Variants in DPP3 observed in about 807,000 individuals in gnomAD.
DPP3 encodes the protein dipeptidyl peptidase 3, also known as DPP III.
DPP3 carries 64 observed loss-of-function variants against 89.8 expected under a neutral mutation model. The observed-to-expected ratio is 0.71, with a 90% CI of 0.58 to 0.88. DPP3 has a LOEUF of 0.88. Among genes scored for constraint, DPP3 ranks in the 40% least tolerant of loss-of-function variants. DPP3 has a pLI of 0.00. For missense variants in DPP3, 835 were observed against 972.5 expected, an observed-to-expected ratio of 0.86 and a Z score of 1.88; for synonymous variants, 377 against 404.3, an observed-to-expected ratio of 0.93 and a Z score of 0.81.
Position 66,491,559 on chromosome 11 carries a change from C to A in DPP3, c.864C>A (p.Gly288=), listed in dbSNP as rs781635422. 3.1e-6 allele frequency: 5 copies of A among 1,613,850 alleles called. No individual in the cohort carries two copies. In the South Asian group the frequency reaches 5.5e-5, roughly 18 times the overall value. Residue 288 remains glycine, a synonymous_variant, in exon 8 of 18, where the codon GGC becomes GGA. Transcript: ENST00000531863. ...LAQYIESFTQ[G]SIEAHKRGSR... Reference sequence around the variant, plus strand: ...AGTATATAGAGAGCTTCACCCAGGGCTCCATCGAGGCCCACAAGAGGGGCT... The same window carrying A: ...AGTATATAGAGAGCTTCACCCAGGGATCCATCGAGGCCCACAAGAGGGGCT...
At chr11:66,506,876 C>A (rs539212761) in intron 17 of DPP3, among the ~76,000 whole-genome samples, 2 of 152,080 alleles carry the variant, frequency 1.3e-5, no homozygotes, top group South Asian at 4.2e-4. Flanking sequence ...CTGCTTCGGT[C>A]CCTCTCTGTT....
intron 10 of DPP3, 46 bp from the exon 11 acceptor site, chr11:66,493,021 C>T: frequency 1.2e-6 from 2 of 1,611,950 alleles, no homozygotes; most frequent in Non-Finnish European, 1.7e-6. Flanking sequence ...TGTCTGTTAC[C>T]TTTGACCCTC....
chr11:66,491,694 CCA>C lies in DPP3; in HGVS notation c.930-3_930-2del. ...TCCTCCACCTCTGCCCTTCTCTCCC[CCA>C]GTTACATCGGGTTCATCGAGAGCTA... On this transcript the variant is annotated splice_acceptor_variant and splice_polypyrimidine_tract_variant and intron_variant, in intron 8 of 17. Coordinates refer to ENST00000531863, the MANE Select transcript of DPP3 (RefSeq NM_130443.4). LOFTEE classifies it high-confidence loss of function. 2 of 1,613,696 alleles carry C rather than the reference CCA, an allele frequency of 1.2e-6. No homozygotes were observed. Among genetic ancestry groups the C allele is most frequent in the South Asian group, 1.1e-5 (1 of 91,040 alleles).
intron 6 of DPP3, 81 bp downstream of exon 6, chr11:66,488,088 C>A: frequency 1.6e-6 from 2 of 1,218,496 alleles, no homozygotes; most frequent in Non-Finnish European, 2.3e-6. Context: ...CCAACTCTGC[C>A]ACTCCTTCAG....
rs760916792 is a variant in DPP3, at chr11:66,491,389, A to G, written c.798+6A>G. 3 of 1,613,276 alleles carry G rather than the reference A, an allele frequency of 1.9e-6. No homozygotes were observed. In the South Asian group the frequency reaches 3.3e-5, roughly 18 times the overall value. On this transcript the variant is annotated splice_donor_region_variant and intron_variant, in intron 7 of 17. Coordinates refer to ENST00000531863, the MANE Select transcript of DPP3 (RefSeq NM_130443.4). ...AGCAGCTGGAGAAAGCCAAGGTTGG[A>G]CTGGCTGGGGGCTGAGGGGTGCGGG...
chr11:66,507,849 G>C (rs1422532531), intron 17 of DPP3, among the ~76,000 whole-genome samples: 1 of 151,742 alleles, frequency 6.6e-6, no homozygotes, highest in African/African-American at 2.4e-5. Flanking sequence ...AGCTAATTTT[G>C]TATTTTTAGT....
chr11:66,481,635 G>A (rs1201950465), intron 1 of DPP3, among the ~76,000 whole-genome samples: 1 of 151,908 alleles, frequency 6.6e-6, no homozygotes, highest in Non-Finnish European at 1.5e-5. Flanking sequence ...GTAATACTAG[G>A]TAGTTAGAGT....
chr11:66,505,136 G>A (rs536445840), intron 17 of DPP3, among the ~76,000 whole-genome samples: 1 of 152,290 alleles, frequency 6.6e-6, no homozygotes, highest in South Asian at 2.1e-4. Flanking sequence ...TGAGGAGGGA[G>A]CTGGGATCCA....
intron 12 of DPP3, among the ~76,000 whole-genome samples, 160 bp from the exon 13 acceptor site, chr11:66,495,046 G>A (rs557695617): frequency 6.6e-6 from 1 of 152,356 alleles, no homozygotes; most frequent in Admixed American, 6.5e-5. Context: ...AGGGCTCAGG[G>A]CTGTGCAGGC....
chr11:66,480,463 C>A lies in DPP3; in HGVS notation c.-11C>A. On this transcript the variant is annotated splice_region_variant and 5_prime_UTR_variant, in exon 1 of 18. Coordinates refer to ENST00000531863, the MANE Select transcript of DPP3 (RefSeq NM_130443.4). Reference sequence around the variant, plus strand: ...GAGTTTGCGAACGGAGCAGCTGCTGCAGGTGAGGCGCGGCGCCTGGGCTTT... The same window carrying A: ...GAGTTTGCGAACGGAGCAGCTGCTGAAGGTGAGGCGCGGCGCCTGGGCTTT... The A allele has an allele frequency of 1.3e-6, 2 of 1,489,634 alleles. No individual in the cohort carries two copies. The highest frequency in any genetic ancestry group is 1.8e-6 in the Non-Finnish European group (2 of 1,126,668). The allele number at this position is 1,489,634 out of a possible 1,614,324, so 92.3% of individuals were successfully genotyped here.
In DPP3 at chr11:66,494,845, G is replaced by T. The variant is rs967265502; in HGVS notation, c.1390-361G>T. ...TGGCAGTGCCAGGAGCCCGTGGTGGGCACAGCTGGGCTGTCTGGCCTACCC... is the reference window on the plus strand; with the variant it reads ...TGGCAGTGCCAGGAGCCCGTGGTGGTCACAGCTGGGCTGTCTGGCCTACCC... On this transcript the variant is annotated intron_variant, in intron 12 of 17. Coordinates refer to ENST00000531863, the MANE Select transcript of DPP3 (RefSeq NM_130443.4). Among the ~76,000 whole-genome samples the T allele has an allele frequency of 2.6e-5, 4 of 152,200 alleles. No individual in the cohort carries two copies. In the East Asian group the frequency reaches 7.7e-4, roughly 29 times the overall value.
intron 5 of DPP3, 96 bp from the exon 6 acceptor site, chr11:66,487,818 C>T (rs1855272495): frequency 3.5e-6 from 4 of 1,153,764 alleles, no homozygotes; most frequent in Non-Finnish European, 5.0e-6. Context: ...TGCTTTGCCT[C>T]CATGCCTTCT....
chr11:66,484,438 C>T (rs79770104), intron 2 of DPP3, among the ~76,000 whole-genome samples: 3,687 of 152,128 alleles, frequency 0.024, 155 homozygotes, highest in African/African-American at 0.084. Context: ...ATGCAGTCTT[C>T]GTCTCTCAGC....
At position 66,495,891 on chromosome 11, in the gene DPP3, C is replaced by T. The variant is rs1464914475; in HGVS notation, c.1698+141C>T. 3 of 1,387,314 alleles carry T rather than the reference C, an allele frequency of 2.2e-6. No individual in the cohort carries two copies. The African/African-American group carries it at 4.3e-5, about 20-fold the overall frequency. 85.9% of individuals were successfully genotyped at this position (1,387,314 alleles called of 1,614,324 possible). ...AGACTCCACTGTTTGGGAGGCAAGT[C>T]ACATCACTCTTGTGAGCCCCAGAGT... On this transcript the variant is annotated intron_variant, in intron 15 of 17. Transcript: ENST00000531863.
In DPP3 at chr11:66,495,462, A is replaced by G. The variant is rs1244095299; in HGVS notation, c.1550A>G (p.Tyr517Cys). Residue 517 changes from tyrosine (Y) to cysteine (C), a missense_variant, in exon 14 of 18, where the codon TAC becomes TGC. By Grantham distance (194) the Tyr-to-Cys change is radical. Transcript: ENST00000531863. ...TGCCGGGCTGAGAGCGTGGGTCTCT[A>G]CCTCTGTCTCCACCCGCAAGTGCTG... ...EECRAESVGL[Y>C]LCLHPQVLEI... 2.5e-6 allele frequency: 4 copies of G among 1,611,580 alleles called. No individual in the cohort carries two copies. Among genetic ancestry groups the G allele is most frequent in the Admixed American group, 1.7e-5 (1 of 59,648 alleles).
intron 1 of DPP3, chr11:66,481,979 A>G (rs1184787319): frequency 1.5e-6 from 1 of 658,792 alleles, no homozygotes; most frequent in African/African-American, 1.8e-5. Context: ...TAGGGACTAC[A>G]GACCAAATAT....
chr11:66,481,751 G>A (rs1855089015), intron 1 of DPP3, among the ~76,000 whole-genome samples: 1 of 151,898 alleles, frequency 6.6e-6, no homozygotes, highest in South Asian at 2.1e-4. Flanking sequence ...GGGTTCAAGT[G>A]ATTCTCCTGC....
chr11:66,482,348 C>T lies in DPP3; in HGVS notation c.148C>T (p.Leu50Phe). Residue 50 changes from leucine (L) to phenylalanine (F), a missense_variant, in exon 2 of 18, where the codon CTT (leucine) becomes TTT (phenylalanine). Coordinates refer to ENST00000531863, the MANE Select transcript of DPP3 (RefSeq NM_130443.4). ...AAWYGGLAVLLQTSPEAPYIY... is the reference protein window; with the variant it reads ...AAWYGGLAVLFQTSPEAPYIY... ...CTGGTACGGAGGCCTGGCTGTGCTG[C>T]TTCAGACCTCCCCTGAGGCCCCCTA... is the stretch of plus-strand genomic sequence containing the variant. 6.2e-7 allele frequency: 1 copy of T among 1,613,458 alleles called. No individual in the cohort carries two copies. Among genetic ancestry groups the T allele is most frequent in the Non-Finnish European group, 8.5e-7 (1 of 1,180,030 alleles).
At chr11:66,504,971 C>T (rs901518031) in intron 17 of DPP3, among the ~76,000 whole-genome samples, 197 bp downstream of exon 17, 1 of 152,168 alleles carries the variant, frequency 6.6e-6, no homozygotes, top group East Asian at 1.9e-4. Flanking sequence ...CACCACCCCC[C>T]CGACACACAC....
Sources: allele counts gnomAD v4.1 joint callset (sites outside exome capture counted in the v4.1 genomes callset), GRCh38; gene constraint gnomAD v4.1.1; transcripts MANE v1.5; gene names NCBI Gene and HGNC (gene_info 2026-07-23, HGNC 2026-07-21).